The following LAPTM4A variants were observed in gnomAD, a reference collection of about 807,000 sequenced individuals.
The protein encoded by LAPTM4A is lysosomal protein transmembrane 4 alpha.
LAPTM4A carries 19 observed loss-of-function variants against 29.9 expected under a neutral mutation model. That is an observed-to-expected ratio of 0.64 (90% CI 0.44 to 0.93). The LOEUF (loss-of-function observed/expected upper bound fraction) is 0.93, where lower values mean the gene tolerates loss of function less well. Among genes scored for constraint, LAPTM4A ranks in the 40% least tolerant of loss-of-function variants. The pLI is 0.00. For missense variants in LAPTM4A, 293 were observed against 288.5 expected (o/e 1.02, Z -0.11); for synonymous variants, 105 against 102.1 (o/e 1.03, Z -0.17).
rs933589023 is a variant in LAPTM4A, at chr2:20,038,667, C to T, written c.233-1053G>A. Among the ~76,000 whole-genome samples the T allele has an allele frequency of 6.6e-5, 10 of 152,016 alleles. No homozygotes were observed. The South Asian group carries it at 8.3e-4, about 13-fold the overall frequency. The stretch of plus-strand genomic sequence containing the variant: ...TCTAAACTCCCAACATCAGGTGATC[C>T]GTCTGGGCAGAGATTAAGAAACTGG... On this transcript the variant is annotated intron_variant, in intron 2 of 6. Transcript: ENST00000175091.
At chr2:20,048,340 G>A (rs1021804898) in intron 1 of LAPTM4A, among the ~76,000 whole-genome samples, 1 of 152,162 alleles carries the variant, frequency 6.6e-6, no homozygotes, top group Non-Finnish European at 1.5e-5. Context: ...TTAAACATGA[G>A]CTCATTCTGA....
At chr2:20,046,354 A>C (rs1201886377) in intron 1 of LAPTM4A, among the ~76,000 whole-genome samples, 2 of 152,170 alleles carry the variant, frequency 1.3e-5, no homozygotes, top group Non-Finnish European at 2.9e-5. Flanking sequence ...ATAATTTAAA[A>C]AAAAAAAGTT....
At chr2:20,047,487 G>A (rs553167140) in intron 1 of LAPTM4A, among the ~76,000 whole-genome samples, 4 of 147,834 alleles carry the variant, frequency 2.7e-5, no homozygotes, top group Admixed American at 6.8e-5. Context: ...TCAGGAGATC[G>A]AGACCATCCT....
chr2:20,046,751 TATAA>T (rs1469368275), intron 1 of LAPTM4A, among the ~76,000 whole-genome samples: 1 of 144,616 alleles, frequency 6.9e-6, no homozygotes, highest in Non-Finnish European at 1.5e-5. Context: ...ATATATATTA[TATAA>T]ATATATATAT....
At chr2:20,046,604 C>G (rs1165437731) in intron 1 of LAPTM4A, among the ~76,000 whole-genome samples, 1 of 151,172 alleles carries the variant, frequency 6.6e-6, no homozygotes, top group Non-Finnish European at 1.5e-5. Flanking sequence ...CCTCCCACTT[C>G]AGCCTCCCCT....
At chr2:20,048,644 C>G (rs999011994) in intron 1 of LAPTM4A, among the ~76,000 whole-genome samples, 2 of 152,218 alleles carry the variant, frequency 1.3e-5, no homozygotes, top group African/African-American at 4.8e-5. Flanking sequence ...ATCATCATCT[C>G]AGAAGTCTGT....
intron 1 of LAPTM4A, among the ~76,000 whole-genome samples, chr2:20,045,894 T>G (rs1209153603): frequency 6.6e-6 from 1 of 152,140 alleles, no homozygotes; most frequent in Non-Finnish European, 1.5e-5. Context: ...TAAGGAGGCA[T>G]CCAGATAAGG....
At chr2:20,047,696 C>CAAAAAAAAAAAAAAAAAAAAGAAAAAAG (rs61601787) in intron 1 of LAPTM4A, among the ~76,000 whole-genome samples, 38 of 76,582 alleles carry the variant, frequency 5.0e-4, no homozygotes, top group South Asian at 1.2e-3. Flanking sequence ...GACTCCGTCT[C>CAAAAAAAAAAAAAAAAAAAAGAAAAAAG]AAAAAAAAAA....
intron 1 of LAPTM4A, among the ~76,000 whole-genome samples, chr2:20,048,145 C>G (rs1380876501): frequency 1.3e-5 from 2 of 152,178 alleles, no homozygotes; most frequent in African/African-American, 4.8e-5. Flanking sequence ...TACAAATGCT[C>G]AAAATGTAGT....
intron 1 of LAPTM4A, among the ~76,000 whole-genome samples, chr2:20,045,790 G>T (rs1673905546): frequency 6.6e-6 from 1 of 152,116 alleles, no homozygotes; most frequent in African/African-American, 2.4e-5. Flanking sequence ...ATTCTCTGGA[G>T]ACTTTAAAAA....
chr2:20,051,329 C>A, intron 1 of LAPTM4A, 81 bp downstream of exon 1: 2 of 850,200 alleles, frequency 2.4e-6, no homozygotes, highest in South Asian at 1.4e-5. Context: ...ACCCAACACC[C>A]CGTTTCCAGT....
At chr2:20,038,860 C>T (rs1344625504) in intron 2 of LAPTM4A, among the ~76,000 whole-genome samples, 4 of 151,990 alleles carry the variant, frequency 2.6e-5, no homozygotes, top group Non-Finnish European at 5.9e-5. Context: ...ACTGAGGGCA[C>T]TAATAATGAT....
chr2:20,041,773 G>A (rs1223626039), intron 1 of LAPTM4A, among the ~76,000 whole-genome samples: 1 of 152,150 alleles, frequency 6.6e-6, no homozygotes, highest in Non-Finnish European at 1.5e-5. Flanking sequence ...GACCTCAAGT[G>A]ATACACCCAG....
In LAPTM4A at chr2:20,033,065, T is replaced by G; in HGVS notation, c.*140A>C. Reference sequence around the variant, plus strand: ...CGTTTAACAGATGTCAAAAAGCTCCTTAGTGTTTGAAAATAAATGCTTAAA... The same window carrying G: ...CGTTTAACAGATGTCAAAAAGCTCCGTAGTGTTTGAAAATAAATGCTTAAA... On this transcript the variant is annotated 3_prime_UTR_variant, in exon 7 of 7. Transcript: ENST00000175091. 1.4e-6 allele frequency: 1 copy of G among 700,226 alleles called. No individual in the cohort carries two copies. The highest frequency in any genetic ancestry group is 2.7e-5 in the East Asian group (1 of 37,652). The allele number at this position is 700,226 out of a possible 1,614,324, so 43.4% of individuals were successfully genotyped here. A position where few individuals can be genotyped will look rare whatever the true frequency, so the allele number is the denominator to read the frequency against.
intron 2 of LAPTM4A, among the ~76,000 whole-genome samples, chr2:20,039,732 CAAAT>C (rs1673752914): frequency 6.6e-6 from 1 of 151,776 alleles, no homozygotes; most frequent in Admixed American, 6.6e-5. Flanking sequence ...TTTTTTTAAA[CAAAT>C]AAATAATATA....
At chr2:20,048,250 C>T (rs1673978535) in intron 1 of LAPTM4A, among the ~76,000 whole-genome samples, 1 of 152,214 alleles carries the variant, frequency 6.6e-6, no homozygotes, top group East Asian at 1.9e-4. Context: ...GTTTATACCT[C>T]ATAAGAAACT....
chr2:20,046,840 C>A (rs966732490), intron 1 of LAPTM4A, among the ~76,000 whole-genome samples: 1 of 135,294 alleles, frequency 7.4e-6, no homozygotes, highest in Non-Finnish European at 1.6e-5. Context: ...TCATGTTGCT[C>A]AGGCTGGTCT....
chr2:20,037,108 C>T (rs113506314), intron 4 of LAPTM4A, among the ~76,000 whole-genome samples: 17 of 152,314 alleles, frequency 1.1e-4, no homozygotes, highest in African/African-American at 4.1e-4. Context: ...CTTAATACTG[C>T]ATTATCCAAA....
chr2:20,037,972 C>A (rs1198901125), intron 2 of LAPTM4A, among the ~76,000 whole-genome samples: 1 of 152,110 alleles, frequency 6.6e-6, no homozygotes, highest in African/African-American at 2.4e-5. Flanking sequence ...GTGTCAAGTG[C>A]TACAACAGAG....
Sources: gnomAD v4.1 joint callset for allele counts (sites outside exome capture counted in the v4.1 genomes callset) on GRCh38, gnomAD v4.1.1 for gene constraint, MANE v1.5 for transcripts, NCBI Gene and HGNC (gene_info 2026-07-23, HGNC 2026-07-21) for gene names.